The following CDH20 variants were observed in gnomAD, a reference collection of about 807,000 sequenced individuals.
The protein encoded by CDH20 is cadherin-20.
CDH20 carries 29 observed loss-of-function variants against 74.2 expected under a neutral mutation model. The observed-to-expected ratio is 0.39, with a 90% CI of 0.29 to 0.53. The LOEUF is 0.53. Ranked by LOEUF, CDH20 falls within the 20% of genes least tolerant of loss-of-function variation. The pLI is 0.69. For synonymous variants in CDH20, 469 were observed against 405.4 expected, an observed-to-expected ratio of 1.16 and a Z score of -1.88; for missense variants, 988 against 1,048.3, an observed-to-expected ratio of 0.94 and a Z score of 0.79.
chr18:61,336,564 T>C (rs1916483680), intron 1 of CDH20, among the ~76,000 whole-genome samples: 1 of 152,226 alleles, frequency 6.6e-6, no homozygotes, highest in Non-Finnish European at 1.5e-5. Flanking sequence ...GAGAAGTTAT[T>C]GAATGCCTTT....
At chr18:61,438,944 C>T (rs1357032962) in intron 1 of CDH20, among the ~76,000 whole-genome samples, 1 of 152,096 alleles carries the variant, frequency 6.6e-6, no homozygotes, top group Admixed American at 6.6e-5. Context: ...GAAAGCATGT[C>T]ATTTGCAGCA....
Position 61,527,969 on chromosome 18 carries a change from CCT to C in CDH20, c.1021_1022del (p.Leu341GlufsTer3). The stretch of plus-strand genomic sequence containing the variant: ...ATTTTCCTGTCATTGCTTTTCAGCC[CCT>C]GAGTTTTGAAAGCAAGAAAAGCTAC... ...QVGIITVKKP[L>X]SFESKKSYTL... On this transcript the variant is annotated frameshift_variant, in exon 7 of 12. Coordinates refer to ENST00000262717, the MANE Select transcript of CDH20 (RefSeq NM_031891.4). LOFTEE classifies it high-confidence loss of function. 7 of 1,613,850 alleles carry C rather than the reference CCT, an allele frequency of 4.3e-6. No individual in the cohort carries two copies. Among genetic ancestry groups the C allele is most frequent in the Non-Finnish European group, 5.1e-6 (6 of 1,179,878 alleles).
intron 1 of CDH20, among the ~76,000 whole-genome samples, chr18:61,478,425 C>T (rs1910467908): frequency 6.6e-6 from 1 of 151,944 alleles, no homozygotes; most frequent in Admixed American, 6.6e-5. Context: ...CTGTTTAATT[C>T]AATATCTCAA....
intron 1 of CDH20, among the ~76,000 whole-genome samples, chr18:61,458,540 C>A (rs997135357): frequency 3.3e-5 from 5 of 152,164 alleles, no homozygotes; most frequent in African/African-American, 1.2e-4. Flanking sequence ...TTGTTCTCCA[C>A]AAACCCCTTT....
chr18:61,360,318 T>C (rs1329760790), intron 1 of CDH20, among the ~76,000 whole-genome samples: 1 of 152,170 alleles, frequency 6.6e-6, no homozygotes. Flanking sequence ...TTCTCAAAAG[T>C]TGGCAATAGT....
At chr18:61,494,094 T>C (rs1911052280) in intron 2 of CDH20, among the ~76,000 whole-genome samples, 10 of 152,214 alleles carry the variant, frequency 6.6e-5, no homozygotes, top group Admixed American at 6.5e-4. Flanking sequence ...CACAGGGAGC[T>C]AGACTCAGAG....
chr18:61,499,513 G>A, intron 3 of CDH20, 33 bp downstream of exon 3: 1 of 1,506,410 alleles, frequency 6.6e-7, no homozygotes, highest in East Asian at 2.3e-5. Context: ...TTCACAAATA[G>A]CACCTCCTAT....
Position 61,554,794 on chromosome 18 carries a change from G to A in CDH20, c.*99G>A, listed in dbSNP as rs544430614. 11 of 1,445,180 alleles carry A rather than the reference G, an allele frequency of 7.6e-6. No individual in the cohort carries two copies. In the East Asian group the frequency reaches 1.0e-4, roughly 13 times the overall value. 89.5% of individuals were successfully genotyped at this position (1,445,180 alleles called of 1,614,324 possible). On this transcript the variant is annotated 3_prime_UTR_variant, in exon 12 of 12. Transcript: ENST00000262717. ...ACCACACGAGCAATACTGTGCTGGA[G>A]AGTGAGAATGGGGGTGAGCAGGCGA...
chr18:61,475,775 G>T (rs1441179697), intron 1 of CDH20, among the ~76,000 whole-genome samples: 1 of 152,138 alleles, frequency 6.6e-6, no homozygotes, highest in African/African-American at 2.4e-5. Context: ...CTTTTGTTAT[G>T]CCTGAACAGA....
At chr18:61,391,684 G>C (rs139875700) in intron 1 of CDH20, 1 of 151,876 alleles carries the variant, frequency 6.6e-6, no homozygotes, top group African/African-American at 2.4e-5. Context: ...ACGCAAATTC[G>C]TGAAGCATTC....
At chr18:61,546,335 A>C (rs2144406286) in intron 10 of CDH20, among the ~76,000 whole-genome samples, 1 of 152,348 alleles carries the variant, frequency 6.6e-6, no homozygotes, top group East Asian at 1.9e-4. Flanking sequence ...AGATTCTCAA[A>C]CCTGTTTTCT....
intron 1 of CDH20, among the ~76,000 whole-genome samples, chr18:61,436,652 T>C (rs141083176): frequency 2.4e-4 from 37 of 152,230 alleles, no homozygotes; most frequent in African/African-American, 8.2e-4. Context: ...TCAAATAAAG[T>C]ATTTCTATTT....
chr18:61,441,588 T>A (rs1027235682), intron 1 of CDH20, among the ~76,000 whole-genome samples: 1 of 151,798 alleles, frequency 6.6e-6, no homozygotes, highest in African/African-American at 2.4e-5. Flanking sequence ...AAGAAAAAAA[T>A]GAATAGTTTT....
intron 1 of CDH20, among the ~76,000 whole-genome samples, chr18:61,386,980 C>T (rs1911620823): frequency 6.6e-6 from 1 of 152,048 alleles, no homozygotes; most frequent in South Asian, 2.1e-4. Flanking sequence ...AAGTTTTCTA[C>T]AAGGAACTGT....
intron 1 of CDH20, among the ~76,000 whole-genome samples, chr18:61,483,968 AC>A (rs145938906): frequency 3.0e-4 from 45 of 152,344 alleles, no homozygotes; most frequent in African/African-American, 1.0e-3. Context: ...TTTAAGTCTT[AC>A]GTTTAGGTAG....
chr18:61,485,811 C>T (rs569574517), intron 1 of CDH20, among the ~76,000 whole-genome samples: 1 of 152,148 alleles, frequency 6.6e-6, no homozygotes, highest in African/African-American at 2.4e-5. Flanking sequence ...CGGTGGCTCA[C>T]GCCTGTAATC....
intron 1 of CDH20, among the ~76,000 whole-genome samples, chr18:61,354,081 G>C (rs574855151): frequency 6.6e-6 from 1 of 151,966 alleles, no homozygotes; most frequent in African/African-American, 2.4e-5. Flanking sequence ...AGAAAAAGAA[G>C]GCTTTCAGTT....
At chr18:61,441,428 A>G (rs1365736026) in intron 1 of CDH20, among the ~76,000 whole-genome samples, 1 of 152,186 alleles carries the variant, frequency 6.6e-6, no homozygotes, top group African/African-American at 2.4e-5. Context: ...ATTCTGATGA[A>G]TCAATTTTAC....
chr18:61,398,770 CAGCATGGCCCAGTCACAAAGA>C (rs1912066964), intron 1 of CDH20, among the ~76,000 whole-genome samples: 1 of 152,090 alleles, frequency 6.6e-6, no homozygotes, highest in Non-Finnish European at 1.5e-5. Flanking sequence ...ATGGCATTGT[CAGCATGGCCCAGTCACAAAGA>C]AGCATGGCCC....
Sources: allele counts gnomAD v4.1 joint callset (sites outside exome capture counted in the v4.1 genomes callset), GRCh38; gene constraint gnomAD v4.1.1; transcripts MANE v1.5; gene names NCBI Gene and HGNC (gene_info 2026-07-23, HGNC 2026-07-21).